RBFOX1: variants seen among roughly 807,000 people sequenced by gnomAD.
RBFOX1 encodes RNA binding fox-1 homolog 1.
Under a neutral mutation model 57.7 loss-of-function variants are expected in RBFOX1, and 8 were observed. The ratio of observed to expected loss-of-function variants is 0.14; its 90% CI spans 0.08 to 0.25. RBFOX1 has a LOEUF of 0.25. Among genes scored for constraint, RBFOX1 ranks in the 10% least tolerant of loss-of-function variants. The pLI, the probability that RBFOX1 is intolerant of heterozygous loss-of-function variation, is 1.00. For synonymous variants in RBFOX1, 326 were observed against 222.4 expected (o/e 1.47, Z -4.15); for missense variants, 611 against 548.5 (o/e 1.11, Z -1.14).
At chr16:6,811,722 T>C (rs991588158) in intron 3 of RBFOX1, among the ~76,000 whole-genome samples, 1 of 152,058 alleles carries the variant, frequency 6.6e-6, no homozygotes, top group Non-Finnish European at 1.5e-5. Context: ...AAATCCCATC[T>C]CTTCAAAAAT....
chr16:7,092,611 A>C (rs2061044051), intron 4 of RBFOX1, among the ~76,000 whole-genome samples: 2 of 152,206 alleles, frequency 1.3e-5, no homozygotes, highest in African/African-American at 4.8e-5. Context: ...GAATGCATTC[A>C]CTAATCATAT....
intron 3 of RBFOX1, among the ~76,000 whole-genome samples, chr16:7,045,567 C>T (rs1235430314): frequency 6.6e-6 from 1 of 152,140 alleles, no homozygotes; most frequent in Non-Finnish European, 1.5e-5. Context: ...CTGGTTCCTT[C>T]AGTGTCGTCA....
chr16:7,174,110 G>T (rs1168168835), intron 4 of RBFOX1, among the ~76,000 whole-genome samples: 2 of 152,136 alleles, frequency 1.3e-5, no homozygotes, highest in African/African-American at 4.8e-5. Flanking sequence ...TGGACAGGTT[G>T]TAGAAATAAA....
Position 5,518,907 on chromosome 16 carries a change from T to TG in RBFOX1, c.258+51658dup, listed in dbSNP as rs1386381210. Among the ~76,000 whole-genome samples the TG allele has an allele frequency of 4.6e-5, 7 of 152,134 alleles. No homozygotes were observed. The South Asian group carries it at 1.5e-3, about 32-fold the overall frequency. ...ATTCGTATGTTGAGGTTCTAACCCC[T>TG]GGGGGCATCAGAATGTGACTGTATT... On this transcript the variant is annotated intron_variant, in intron 2 of 2. Coordinates refer to the RBFOX1 transcript ENST00000585867.
At chr16:6,312,704 C>A (rs965005194) in intron 1 of RBFOX1, among the ~76,000 whole-genome samples, 21 of 149,074 alleles carry the variant, frequency 1.4e-4, no homozygotes, top group Non-Finnish European at 1.0e-4. Context: ...TTCCTTCCTT[C>A]CTTCCTTCCT....
At chr16:7,284,140 A>G (rs2095602695) in intron 4 of RBFOX1, among the ~76,000 whole-genome samples, 1 of 152,238 alleles carries the variant, frequency 6.6e-6, no homozygotes, top group South Asian at 2.1e-4. Flanking sequence ...GCTGAGTAGC[A>G]TTCTGTGGTA....
At chr16:6,065,289 C>A (rs528767004) in intron 1 of RBFOX1, among the ~76,000 whole-genome samples, 1 of 151,922 alleles carries the variant, frequency 6.6e-6, no homozygotes, top group South Asian at 2.1e-4. Context: ...CCCATCTTGG[C>A]CTCCCAAAGT....
At chr16:7,492,099 C>G (rs576427065) in intron 4 of RBFOX1, among the ~76,000 whole-genome samples, 1 of 152,142 alleles carries the variant, frequency 6.6e-6, no homozygotes, top group Non-Finnish European at 1.5e-5. Context: ...ATTTACCATG[C>G]CAAAAGGTGG....
chr16:5,380,044 A>G (rs1218016372), intron 1 of RBFOX1, among the ~76,000 whole-genome samples: 1 of 152,174 alleles, frequency 6.6e-6, no homozygotes, highest in Non-Finnish European at 1.5e-5. Flanking sequence ...CCCAGCTGTG[A>G]CAGGAAGCCG....
At chr16:7,180,656 G>T (rs1210456787) in intron 4 of RBFOX1, among the ~76,000 whole-genome samples, 1 of 151,644 alleles carries the variant, frequency 6.6e-6, no homozygotes, top group Non-Finnish European at 1.5e-5. Flanking sequence ...GATTTACTTG[G>T]GGAAAATTAG....
intron 3 of RBFOX1, among the ~76,000 whole-genome samples, chr16:6,691,941 G>A (rs2060264974): frequency 6.6e-6 from 1 of 152,168 alleles, no homozygotes; most frequent in Non-Finnish European, 1.5e-5. Flanking sequence ...CATGGGCCAT[G>A]GACTGTTGGT....
At chr16:5,424,880 TTTC>T (rs1567489573) in intron 1 of RBFOX1, among the ~76,000 whole-genome samples, 15 of 12,358 alleles carry the variant, frequency 1.2e-3, no homozygotes, top group East Asian at 5.6e-3. Context: ...CTTTTTTTTC[TTTC>T]TTTCTTTCTT....
At chr16:7,641,616 A>G (rs1430368972) in intron 11 of RBFOX1, among the ~76,000 whole-genome samples, 1 of 152,112 alleles carries the variant, frequency 6.6e-6, no homozygotes, top group Non-Finnish European at 1.5e-5. Context: ...TACCCTTACT[A>G]TTTGCTACAG....
intron 1 of RBFOX1, among the ~76,000 whole-genome samples, chr16:5,278,931 C>G (rs1567271573): frequency 6.6e-6 from 1 of 152,068 alleles, no homozygotes; most frequent in Non-Finnish European, 1.5e-5. Context: ...GTTCTTTGGT[C>G]TGTTTCCTTT....
chr16:6,009,570 A>G (rs575277723), intron 4 of RBFOX1, among the ~76,000 whole-genome samples: 7 of 152,278 alleles, frequency 4.6e-5, no homozygotes, highest in African/African-American at 1.4e-4. Context: ...AGTGCTTCAG[A>G]GACAGCCCTG....
At chr16:7,035,093 C>G (rs2043992999) in intron 3 of RBFOX1, among the ~76,000 whole-genome samples, 4 of 151,736 alleles carry the variant, frequency 2.6e-5, no homozygotes, top group African/African-American at 9.7e-5. Flanking sequence ...GGTGATCCAC[C>G]CGTCTTGGCC....
At chr16:6,084,552 A>G (rs2096058538) in intron 1 of RBFOX1, among the ~76,000 whole-genome samples, 1 of 152,014 alleles carries the variant, frequency 6.6e-6, no homozygotes, top group African/African-American at 2.4e-5. Flanking sequence ...CCCCTTCCTC[A>G]TTCTTTTTGA....
At chr16:6,645,361 A>G (rs1401675001) in intron 2 of RBFOX1, among the ~76,000 whole-genome samples, 10 of 151,940 alleles carry the variant, frequency 6.6e-5, no homozygotes, top group Non-Finnish European at 1.2e-4. Context: ...ACTCACTTCT[A>G]AATCCTCTGA....
chr16:7,016,915 C>T (rs1157678534), intron 3 of RBFOX1, among the ~76,000 whole-genome samples: 1 of 152,150 alleles, frequency 6.6e-6, no homozygotes, highest in Admixed American at 6.5e-5. Context: ...CTTGAAATCC[C>T]TCACTGGCAT....
Sources: gnomAD v4.1 joint callset for allele counts (sites outside exome capture counted in the v4.1 genomes callset) on GRCh38, gnomAD v4.1.1 for gene constraint, MANE v1.5 for transcripts, NCBI Gene and HGNC (gene_info 2026-07-23, HGNC 2026-07-21) for gene names.